Variants in NBEAL2 observed in about 807,000 individuals in gnomAD.
The protein encoded by NBEAL2 is neurobeachin like 2.
NBEAL2 carries 160 observed loss-of-function variants against 299.8 expected under a neutral mutation model. The ratio of observed to expected loss-of-function variants is 0.53; its 90% CI spans 0.47 to 0.61. The LOEUF (loss-of-function observed/expected upper bound fraction) is 0.61, where lower values mean the gene tolerates loss of function less well. Ranked by LOEUF, NBEAL2 falls within the 20% of genes least tolerant of loss-of-function variation. The pLI, the probability that NBEAL2 is intolerant of heterozygous loss-of-function variation, is 0.00. For missense variants in NBEAL2, 3,112 were observed against 3,649.0 expected, an observed-to-expected ratio of 0.85 and a Z score of 3.79; for synonymous variants, 1,493 against 1,542.3, an observed-to-expected ratio of 0.97 and a Z score of 0.75.
Position 46,989,574 on chromosome 3 carries a change from A to G in NBEAL2, c.537A>G (p.Glu179=). The change falls in exon 6 of 54, where the codon GAA becomes GAG. Residue 179 remains glutamate (E), a synonymous_variant. Transcript: ENST00000450053. This position sits in a 1 kb window ranked among gnomAD's most constrained non-coding sequence, Gnocchi z 5.5. ...YKFPPAALPQ[E]FSAFFQESLQ... ...TCCCTCCTGCTGCTTTGCCCCAGGAATTCAGCGCCTTCTTCCAAGGTCAGG... is the reference window on the plus strand; with the variant it reads ...TCCCTCCTGCTGCTTTGCCCCAGGAGTTCAGCGCCTTCTTCCAAGGTCAGG... 1 of 1,595,040 alleles carries G rather than the reference A, an allele frequency of 6.3e-7. No homozygotes were observed. The highest frequency in any genetic ancestry group is 1.1e-5 in the South Asian group (1 of 87,840).
chr3:47,001,978 G>C lies in NBEAL2; in HGVS notation c.4841G>C (p.Arg1614Pro). 5 of 1,607,996 alleles carry C rather than the reference G, an allele frequency of 3.1e-6. No homozygotes were observed. The highest frequency in any genetic ancestry group is 4.2e-6 in the Non-Finnish European group (5 of 1,177,450). Residue 1614 changes from arginine (R) to proline (P), a missense_variant, in exon 31 of 54, where the codon CGC becomes CCC. Physicochemically the swap from Arg to Pro is moderately radical, Grantham distance 103. This residue lies in a region of NBEAL2 where 2,243 missense variants were observed against 2,538.1 expected (regional missense o/e 0.88). Coordinates refer to ENST00000450053, the MANE Select transcript of NBEAL2 (RefSeq NM_015175.3). The surrounding 1 kb of genome is among the most constrained non-coding windows in gnomAD (Gnocchi z 6.1). Reference sequence around the variant, plus strand: ...CTGCTACAGACTGCAGTGCCAGCCCGCCGCGAGGAGGCCTGCTATGTGCTC... The same window carrying C: ...CTGCTACAGACTGCAGTGCCAGCCCCCCGCGAGGAGGCCTGCTATGTGCTC... ...HMLLQTAVPA[R>P]REEACYVLSK...
Position 46,979,699 on chromosome 3 carries a change from T to C in NBEAL2, c.-163T>C. ...GGAGGAGCGAGCAGACTTGGGTGGC[T>C]CTGCGCCGCGGAGGCCACAGCCGCA... is the stretch of plus-strand genomic sequence containing the variant. On this transcript the variant is annotated 5_prime_UTR_variant, in exon 1 of 54. Coordinates refer to ENST00000450053, the MANE Select transcript of NBEAL2 (RefSeq NM_015175.3). 3.2e-6 allele frequency: 1 copy of C among 311,478 alleles called. No individual in the cohort carries two copies. The highest frequency in any genetic ancestry group is 5.9e-6 in the Non-Finnish European group (1 of 169,666). The allele number at this position is 311,478 out of a possible 1,614,324, so 19.3% of individuals were successfully genotyped here. A position where few individuals can be genotyped will look rare whatever the true frequency, so the allele number is the denominator to read the frequency against.
At position 47,009,257 on chromosome 3, in the gene NBEAL2, C is replaced by T; in HGVS notation, c.8202C>T (p.Ser2734=). 6.2e-7 allele frequency: 1 copy of T among 1,602,066 alleles called. No individual in the cohort carries two copies. Among genetic ancestry groups the T allele is most frequent in the Non-Finnish European group, 8.5e-7 (1 of 1,175,664 alleles). The change falls in exon 54 of 54, where the codon TCC becomes TCT. Residue 2734 remains serine, a synonymous_variant. Coordinates refer to ENST00000450053, the MANE Select transcript of NBEAL2 (RefSeq NM_015175.3). ...SSQFARKLWR[S]SRRISQVSSG... is the part of the protein sequence containing the mutation. The stretch of plus-strand genomic sequence containing the variant: ...AGTTCGCGCGGAAGCTGTGGCGGTC[C>T]TCGCGGCGCATCTCCCAGGTGTCCT...
At position 46,996,753 on chromosome 3, in the gene NBEAL2, C is replaced by T. The variant is rs752544562; in HGVS notation, c.2476C>T (p.Pro826Ser). The change falls in exon 17 of 54, where the codon CCC (proline) becomes TCC (serine). Residue 826 changes from proline (P) to serine (S), a missense_variant and splice_region_variant. Physicochemically the swap from Pro to Ser is moderately conservative, Grantham distance 74 (BLOSUM62 -1). Transcript: ENST00000450053. ...GAAGCCCCCTGCCCACCTCCCAGGG[C>T]CCAATGAGACGGCACCCTTCAAGCC... Reference protein sequence around the residue: ...TALRTLCTLGPNETAPFKPEG... With the variant: ...TALRTLCTLGSNETAPFKPEG... 1.9e-6 allele frequency: 3 copies of T among 1,612,084 alleles called. No individual in the cohort carries two copies. Among genetic ancestry groups the T allele is most frequent in the Admixed American group, 1.7e-5 (1 of 59,918 alleles).
Position 46,997,591 on chromosome 3 carries a change from C to A in NBEAL2, c.2855C>A (p.Ala952Asp), listed in dbSNP as rs200067889. 4.4e-6 allele frequency: 7 copies of A among 1,600,358 alleles called. No homozygotes were observed. The highest frequency in any genetic ancestry group is 1.7e-5 in the Admixed American group (1 of 59,574). Residue 952 changes from alanine to aspartate, a missense_variant, in exon 20 of 54, where the codon GCT becomes GAT. Ala to Asp is a moderately radical substitution (Grantham distance 126). Transcript: ENST00000450053. ...CGGATGGAGAGGAACGCAGTGGCTG[C>A]TTTTCTGCTGATGCTGCGGAACTTC... ...EERMERNAVA[A>D]FLLMLRNFLQ...
chr3:46,999,772 C>A, intron 26 of NBEAL2, 57 bp downstream of exon 26: 1 of 1,591,766 alleles, frequency 6.3e-7, no homozygotes, highest in Non-Finnish European at 8.6e-7. Context: ...TACCCTCTGG[C>A]CTTCCACCTT....
At position 46,988,818 on chromosome 3, in the gene NBEAL2, C is replaced by T. The variant is rs1016739898; in HGVS notation, c.141-24C>T. ...CAGGGAGATTGAGGGGTCCTCAGCA[C>T]CCGTGTCTCCCCTTTCCTTGCAGGC... On this transcript the variant is annotated intron_variant, in intron 2 of 53. Coordinates refer to ENST00000450053, the MANE Select transcript of NBEAL2 (RefSeq NM_015175.3). This position sits in a 1 kb window ranked among gnomAD's most constrained non-coding sequence, Gnocchi z 4.4. 1.2e-6 allele frequency: 2 copies of T among 1,603,096 alleles called. No individual in the cohort carries two copies. The highest frequency in any genetic ancestry group is 2.7e-5 in the African/African-American group (2 of 74,750).
rs115950851 is a variant in NBEAL2 at position 47,007,795 on chromosome 3, T to C, written c.7508-21T>C. ...GGATGTGACTCCTCCGTTCTGCCTG[T>C]ACCCTCCCCTTCCCATGCAGATGTA... On this transcript the variant is annotated intron_variant, in intron 48 of 53. Coordinates refer to ENST00000450053, the MANE Select transcript of NBEAL2 (RefSeq NM_015175.3). 7 of 1,611,394 alleles carry C rather than the reference T, an allele frequency of 4.3e-6. No individual in the cohort carries two copies. In the East Asian group the frequency reaches 1.1e-4, roughly 26 times the overall value.
rs2107286621 is a variant in NBEAL2, at chr3:46,988,361, C to T, written c.52-308C>T. Reference sequence around the variant, plus strand: ...ACTTACGCCCCTCCCCTGGCTGTGTCAGACCTGCCTAGGACTGCAGGCATT... The same window carrying T: ...ACTTACGCCCCTCCCCTGGCTGTGTTAGACCTGCCTAGGACTGCAGGCATT... On this transcript the variant is annotated intron_variant, in intron 1 of 53. Transcript: ENST00000450053. This position sits in a 1 kb window ranked among gnomAD's most constrained non-coding sequence, Gnocchi z 4.4. Among the ~76,000 whole-genome samples, 1 of 152,276 alleles carries T rather than the reference C, an allele frequency of 6.6e-6. No individual in the cohort carries two copies. Among genetic ancestry groups the T allele is most frequent in the African/African-American group, 2.4e-5 (1 of 41,550 alleles).
In NBEAL2 at chr3:47,001,528, G is replaced by A. The variant is rs753064823; in HGVS notation, c.4644+90G>A. On this transcript the variant is annotated intron_variant, in intron 29 of 53. Coordinates refer to ENST00000450053, the MANE Select transcript of NBEAL2 (RefSeq NM_015175.3). This position sits in a 1 kb window ranked among gnomAD's most constrained non-coding sequence, Gnocchi z 6.1. ...TGGTCTGGGAGGTGGATGGGTACAC[G>A]TGCGCAGGTGTGGGTGCATCAGCAT... 8.1e-5 allele frequency: 125 copies of A among 1,550,334 alleles called. No homozygotes were observed. The highest frequency in any genetic ancestry group is 1.0e-4 in the Non-Finnish European group (118 of 1,145,002).
Position 46,995,852 on chromosome 3 carries a change from A to G in NBEAL2, c.2031+6A>G. On this transcript the variant is annotated splice_donor_region_variant and intron_variant, in intron 14 of 53. Coordinates refer to ENST00000450053, the MANE Select transcript of NBEAL2 (RefSeq NM_015175.3). ...CCTTTGCCGACTCTGCCTGGGTGAG[A>G]CCCCATCCTTCTCATGTGGCCCAGT... The G allele has an allele frequency of 2.5e-6, 4 of 1,613,548 alleles. No homozygotes were observed. In the South Asian group the frequency reaches 4.4e-5, roughly 18 times the overall value.
chr3:46,994,433 T>C (rs1383409909), intron 11 of NBEAL2, 22 bp from the exon 12 acceptor site: 2 of 1,565,324 alleles, frequency 1.3e-6, no homozygotes, highest in Non-Finnish European at 1.7e-6. Context: ...TGTTCACTTC[T>C]TCCCCATACT....
Position 47,009,649 on chromosome 3 carries a change from T to G in NBEAL2, c.*329T>G. 2.8e-6 allele frequency: 1 copy of G among 357,566 alleles called. No homozygotes were observed. 22.1% of individuals were successfully genotyped at this position (357,566 alleles called of 1,614,324 possible). A position where few individuals can be genotyped will look rare whatever the true frequency, so the allele number is the denominator to read the frequency against. On this transcript the variant is annotated 3_prime_UTR_variant, in exon 54 of 54. Transcript: ENST00000450053. ...GAGGGCCGCCTGTGGCCTTAATTCC[T>G]AACGGCGGCCCCGGTTCTCCCTTCT...
rs774298967 is a variant in NBEAL2, at chr3:46,999,402, G to A, written c.3631G>A (p.Val1211Ile). ...GCGGGAGTGTGGTCTCCAGGGTCTGGTTGCCTGCTTGCCTGAGGGGACTGT... is the reference window on the plus strand; with the variant it reads ...GCGGGAGTGTGGTCTCCAGGGTCTGATTGCCTGCTTGCCTGAGGGGACTGT... ...RLRECGLQGL[V>I]ACLPEGTVSP... The change falls in exon 25 of 54, where the codon GTT becomes ATT. Residue 1211 changes from valine (V) to isoleucine (I), a missense_variant. Val to Ile is a conservative substitution (Grantham distance 29). Coordinates refer to ENST00000450053, the MANE Select transcript of NBEAL2 (RefSeq NM_015175.3). 4.4e-6 allele frequency: 7 copies of A among 1,601,248 alleles called. No homozygotes were observed. Among genetic ancestry groups the A allele is most frequent in the Non-Finnish European group, 5.1e-6 (6 of 1,174,724 alleles).
intron 1 of NBEAL2, among the ~76,000 whole-genome samples, chr3:46,983,020 C>T (rs2035450500): frequency 6.6e-6 from 1 of 152,152 alleles, no homozygotes; most frequent in Non-Finnish European, 1.5e-5. Context: ...TCAGCAACCC[C>T]TCCAGTGAAT....
chr3:46,998,871 G>A lies in NBEAL2; in HGVS notation c.3376G>A (p.Asp1126Asn), dbSNP rs1431975344. ...MLSFLAATGD[D>N]GQAVGALDLL... ...GAGCTTTTTGGCGGCCACAGGCGAT[G>A]ACGGTCAGGTAGGCTGGAGGTTGGG... Residue 1126 changes from aspartate (D) to asparagine (N), a missense_variant, in exon 23 of 54, where the codon GAC (aspartate) becomes AAC (asparagine). Asp to Asn is a conservative substitution (Grantham distance 23, BLOSUM62 1). Around this residue, in one of 3 missense-constraint regions of NBEAL2, gnomAD observed 2,243 missense variants for 2,538.1 expected, o/e 0.88. Transcript: ENST00000450053. 6.3e-7 allele frequency: 1 copy of A among 1,592,060 alleles called. No individual in the cohort carries two copies. Among genetic ancestry groups the A allele is most frequent in the South Asian group, 1.1e-5 (1 of 87,454 alleles).
rs1388813992 is a variant in NBEAL2 at position 47,001,321 on chromosome 3, AGAGGCCCCCGTGGGGG to A, written c.4528_4543del (p.Glu1510SerfsTer87). ...TGGAGTCAGCCCTGACCGACATCAA[AGAGGCCCCCGTGGGGG>A]TCCTGGCCAGCCTCACCCAGCAAGC... On this transcript the variant is annotated frameshift_variant, in exon 29 of 54. Transcript: ENST00000450053. LOFTEE classifies it high-confidence loss of function. The surrounding 1 kb of genome is among the most constrained non-coding windows in gnomAD (Gnocchi z 6.1). 4 of 1,612,708 alleles carry A rather than the reference AGAGGCCCCCGTGGGGG, an allele frequency of 2.5e-6. No homozygotes were observed. Among genetic ancestry groups the A allele is most frequent in the African/African-American group, 1.3e-5 (1 of 74,900 alleles).
Position 47,004,431 on chromosome 3 carries a change from C to T in NBEAL2, c.6198+38C>T. On this transcript the variant is annotated intron_variant, in intron 37 of 53. Transcript: ENST00000450053. The surrounding 1 kb of genome is among the most constrained non-coding windows in gnomAD (Gnocchi z 5.0). ...GGTGTGAGGGATGTGAAGTCGGGAC[C>T]CTGAATCACGGGGCAGTGCTGGACA... 2 of 1,594,828 alleles carry T rather than the reference C, an allele frequency of 1.3e-6. No homozygotes were observed. Among genetic ancestry groups the T allele is most frequent in the Non-Finnish European group, 1.7e-6 (2 of 1,167,690 alleles).
intron 1 of NBEAL2, among the ~76,000 whole-genome samples, chr3:46,987,008 G>A (rs1218997422): frequency 1.3e-5 from 2 of 152,238 alleles, no homozygotes; most frequent in African/African-American, 4.8e-5. Context: ...AAAATGTCAT[G>A]GTTGTGTGGG....
Sources: gnomAD v4.1 joint callset for allele counts (sites outside exome capture counted in the v4.1 genomes callset) on GRCh38, gnomAD v4.1.1 for gene constraint, gnomAD v4.1.1 regional missense constraint, Gnocchi (gnomAD v3.1) non-coding constraint, MANE v1.5 for transcripts, NCBI Gene and HGNC (gene_info 2026-07-23, HGNC 2026-07-21) for gene names.